Variants in UTP20 observed in about 807,000 individuals in gnomAD.
UTP20 encodes the protein UTP20 small subunit processome component, also known as small subunit processome component 20 homolog.
UTP20 carries 164 observed loss-of-function variants against 329.5 expected under a neutral mutation model. The observed-to-expected ratio is 0.50, with a 90% CI of 0.44 to 0.57. The LOEUF is 0.57. Among genes scored for constraint, UTP20 ranks in the 20% least tolerant of loss-of-function variants. UTP20 has a pLI of 0.00. For missense variants in UTP20, 3,055 were observed against 3,284.2 expected (o/e 0.93, Z 1.71); for synonymous variants, 1,151 against 1,159.3 (o/e 0.99, Z 0.14).
At chr12:101,331,468 T>G (rs1868757449) in intron 27 of UTP20, among the ~76,000 whole-genome samples, 1 of 152,244 alleles carries the variant, frequency 6.6e-6, no homozygotes, top group Admixed American at 6.5e-5. Context: ...TACATCACCT[T>G]GTGCTTGCTT....
At position 101,346,468 on chromosome 12, in the gene UTP20, A is replaced by G. The variant is rs1869328155; in HGVS notation, c.4764A>G (p.Arg1588=). 1 of 1,605,322 alleles carries G rather than the reference A, an allele frequency of 6.2e-7. No homozygotes were observed. Among genetic ancestry groups the G allele is most frequent in the South Asian group, 1.1e-5 (1 of 88,864 alleles). ...ACCCATAGATCCACAGAAGAGCAAG[A>G]GCCTTGAAGAAACTTGCAAAACAAC... ...MKHIQIHRRA[R]ALKKLAKQLM... is the part of the protein sequence containing the mutation. The change falls in exon 38 of 62, where the codon AGA becomes AGG. Residue 1588 remains arginine, a synonymous_variant. Coordinates refer to ENST00000261637, the MANE Select transcript of UTP20 (RefSeq NM_014503.3).
chr12:101,338,690 A>G, intron 30 of UTP20, 123 bp from the exon 31 acceptor site: 1 of 785,792 alleles, frequency 1.3e-6, no homozygotes, highest in Non-Finnish European at 1.9e-6. Flanking sequence ...GAATTTATTT[A>G]GAATTGAAAT....
intron 58 of UTP20, 62 bp downstream of exon 58, chr12:101,381,273 T>C: frequency 6.9e-7 from 1 of 1,439,244 alleles, no homozygotes; most frequent in Non-Finnish European, 9.8e-7. Flanking sequence ...GGCTCGCGCC[T>C]GTAATCCCAG....
chr12:101,296,124 TATC>T (rs1406173624), intron 12 of UTP20, among the ~76,000 whole-genome samples: 1 of 152,246 alleles, frequency 6.6e-6, no homozygotes, highest in Admixed American at 6.5e-5. Context: ...TCTTATCAGA[TATC>T]ATCAGTTGTA....
intron 15 of UTP20, among the ~76,000 whole-genome samples, chr12:101,305,132 G>T (rs1872616103): frequency 6.6e-6 from 1 of 151,448 alleles, no homozygotes; most frequent in Non-Finnish European, 1.5e-5. Context: ...TTTTCCCCTG[G>T]TTTTCTGGAG....
rs745673519 is a variant in UTP20, at chr12:101,312,082, T to C, written c.2358T>C (p.Asp786=). ...NDMTDEKSVG[D]ESWEQTQEGD... ...TGACAGATGAGAAGTCCGTTGGAGA[T>C]GAAAGTTGGGAGCAGACCCAGGAAG... Residue 786 remains aspartate, a synonymous_variant, in exon 21 of 62, where the codon GAT becomes GAC. Coordinates refer to ENST00000261637, the MANE Select transcript of UTP20 (RefSeq NM_014503.3). The C allele has an allele frequency of 6.2e-7, 1 of 1,614,220 alleles. No homozygotes were observed. The highest frequency in any genetic ancestry group is 8.5e-7 in the Non-Finnish European group (1 of 1,180,034).
At chr12:101,326,067 CA>C (rs1459727026) in intron 25 of UTP20, among the ~76,000 whole-genome samples, 1 of 152,166 alleles carries the variant, frequency 6.6e-6, no homozygotes, top group Non-Finnish European at 1.5e-5. Flanking sequence ...AAGATTCATT[CA>C]AAGTGCAAGA....
At chr12:101,382,674 G>A (rs1201100616) in intron 58 of UTP20, among the ~76,000 whole-genome samples, 1 of 151,916 alleles carries the variant, frequency 6.6e-6, no homozygotes, top group Non-Finnish European at 1.5e-5. Context: ...CCAACATGGC[G>A]AAACCCCGTC....
At chr12:101,379,009 T>A (rs942683981) in intron 56 of UTP20, among the ~76,000 whole-genome samples, 5 of 152,214 alleles carry the variant, frequency 3.3e-5, no homozygotes, top group Non-Finnish European at 7.3e-5. Flanking sequence ...ATGCATACAA[T>A]GTCCAATGAT....
chr12:101,302,344 T>A (rs980123844), intron 14 of UTP20, 104 bp from the exon 15 acceptor site: 1 of 686,834 alleles, frequency 1.5e-6, no homozygotes, highest in African/African-American at 1.9e-5. Context: ...AAATTCACTT[T>A]AAGAACTTCC....
chr12:101,280,387 G>C lies in UTP20; in HGVS notation c.45+60G>C, dbSNP rs1871755458. Reference sequence around the variant, plus strand: ...CTCCGCTGCCTCAGTCGTGAGACAGGCTCTGAGCGAGACTCCAGGGGCCTC... The same window carrying C: ...CTCCGCTGCCTCAGTCGTGAGACAGCCTCTGAGCGAGACTCCAGGGGCCTC... On this transcript the variant is annotated intron_variant, in intron 1 of 61. Coordinates refer to ENST00000261637, the MANE Select transcript of UTP20 (RefSeq NM_014503.3). The C allele has an allele frequency of 4.5e-6, 7 of 1,546,748 alleles. No individual in the cohort carries two copies. In the South Asian group the frequency reaches 7.1e-5, roughly 16 times the overall value.
intron 38 of UTP20, among the ~76,000 whole-genome samples, chr12:101,351,338 G>A (rs535248992): frequency 6.6e-6 from 1 of 152,128 alleles, no homozygotes; most frequent in Non-Finnish European, 1.5e-5. Context: ...TGTTGGTCAG[G>A]CTGGTCTTGA....
chr12:101,342,397 C>T, intron 32 of UTP20, 49 bp from the exon 33 acceptor site: 5 of 1,444,310 alleles, frequency 3.5e-6, no homozygotes, highest in East Asian at 2.3e-5. Context: ...ATAAGTTGAC[C>T]AGTTTATAAC....
rs555651962 is a variant in UTP20 at position 101,286,605 on chromosome 12, A to G, written c.515+96A>G. The G allele has an allele frequency of 1.3e-5, 13 of 1,015,596 alleles. No individual in the cohort carries two copies. In the East Asian group the frequency reaches 2.9e-4, roughly 23 times the overall value. The allele number at this position is 1,015,596 out of a possible 1,614,324, so 62.9% of individuals were successfully genotyped here. ...AAACCACTTTGCCAGCTCAGTGCCT[A>G]ATTGTTTCCATGTACAAAGTTGATT... On this transcript the variant is annotated intron_variant, in intron 5 of 61. Transcript: ENST00000261637.
chr12:101,359,952 C>T (rs1020955034), intron 43 of UTP20, among the ~76,000 whole-genome samples: 3 of 152,320 alleles, frequency 2.0e-5, no homozygotes, highest in African/African-American at 7.2e-5. Context: ...GCCACCACCA[C>T]AGCATTGCGA....
chr12:101,284,241 A>T (rs2137227295), intron 2 of UTP20, among the ~76,000 whole-genome samples: 1 of 152,134 alleles, frequency 6.6e-6, no homozygotes, highest in Non-Finnish European at 1.5e-5. Flanking sequence ...ACCCATCCCC[A>T]CTTCCTCCAC....
At chr12:101,318,700 G>T (rs1264371623) in intron 22 of UTP20, among the ~76,000 whole-genome samples, 1 of 151,822 alleles carries the variant, frequency 6.6e-6, no homozygotes, top group Non-Finnish European at 1.5e-5. Flanking sequence ...GCATGGTGGT[G>T]CACGCCTGTA....
At chr12:101,335,951 A>G (rs527579794) in intron 29 of UTP20, among the ~76,000 whole-genome samples, 1 of 152,322 alleles carries the variant, frequency 6.6e-6, no homozygotes, top group East Asian at 1.9e-4. Context: ...TTCTATGCAA[A>G]TAAGCCATGA....
intron 18 of UTP20, among the ~76,000 whole-genome samples, chr12:101,309,384 G>C (rs889664829): frequency 2.0e-5 from 3 of 152,166 alleles, no homozygotes; most frequent in African/African-American, 7.2e-5. Flanking sequence ...TTCACAGCAT[G>C]TTTCCTTGCG....
Sources: gnomAD v4.1 joint callset for allele counts (sites outside exome capture counted in the v4.1 genomes callset) on GRCh38, gnomAD v4.1.1 for gene constraint, MANE v1.5 for transcripts, NCBI Gene and HGNC (gene_info 2026-07-23, HGNC 2026-07-21) for gene names.